The following RARB variants were observed in gnomAD, a reference collection of about 807,000 sequenced individuals.
The protein encoded by RARB is HBV-activated protein.
A neutral mutation model predicts 51.9 loss-of-function variants in RARB; 17 were observed. The observed-to-expected ratio is 0.33, with a 90% CI of 0.22 to 0.49. The LOEUF (loss-of-function observed/expected upper bound fraction) is 0.49, where lower values mean the gene tolerates loss of function less well. RARB is among the 20% of genes least tolerant of loss of function. RARB has a pLI of 0.99. For synonymous variants in RARB, 215 were observed against 195.4 expected, an observed-to-expected ratio of 1.10 and a Z score of -0.84; for missense variants, 369 against 550.8, an observed-to-expected ratio of 0.67 and a Z score of 3.30.
At chr3:25,171,643 T>TAAAAA (rs770248970) in intron 4 of RARB, among the ~76,000 whole-genome samples, 16 of 45,470 alleles carry the variant, frequency 3.5e-4, no homozygotes, top group African/African-American at 8.1e-4. Flanking sequence ...CCCTGGTTGG[T>TAAAAA]AAAAAAAAAA....
At chr3:25,014,467 G>A (rs1697466300) in intron 2 of RARB, among the ~76,000 whole-genome samples, 1 of 152,092 alleles carries the variant, frequency 6.6e-6, no homozygotes, top group Non-Finnish European at 1.5e-5. Context: ...GAGGAGAGAT[G>A]GGTTTTCTCA....
intron 3 of RARB, among the ~76,000 whole-genome samples, chr3:25,512,630 C>G (rs569310998): frequency 5.9e-5 from 9 of 152,354 alleles, no homozygotes; most frequent in East Asian, 1.9e-4. Flanking sequence ...CCTGCAATGC[C>G]TTTCCCTCCC....
At chr3:25,352,364 G>A (rs889481820) in intron 5 of RARB, 1 of 152,132 alleles carries the variant, frequency 6.6e-6, no homozygotes, top group African/African-American at 2.4e-5. Context: ...GATGAGATGG[G>A]GCACATTCAT....
chr3:25,337,314 G>A (rs1027813193), intron 5 of RARB, among the ~76,000 whole-genome samples: 1 of 152,082 alleles, frequency 6.6e-6, no homozygotes, highest in Non-Finnish European at 1.5e-5. Flanking sequence ...GTATAAACAT[G>A]ATTCTCCAAT....
chr3:25,495,905 C>A (rs758297094), intron 2 of RARB, among the ~76,000 whole-genome samples: 1 of 152,136 alleles, frequency 6.6e-6, no homozygotes, highest in Non-Finnish European at 1.5e-5. Flanking sequence ...CAACAGAATT[C>A]GTGATTAGCC....
At chr3:24,900,218 G>T (rs148748513) in intron 2 of RARB, among the ~76,000 whole-genome samples, 126 of 152,294 alleles carry the variant, frequency 8.3e-4, no homozygotes, top group African/African-American at 2.8e-3. Context: ...TGTCTGCAGC[G>T]TGTGTAACTC....
At chr3:24,984,979 G>A (rs530638258) in intron 2 of RARB, among the ~76,000 whole-genome samples, 14 of 152,094 alleles carry the variant, frequency 9.2e-5, no homozygotes, top group Non-Finnish European at 1.9e-4. Flanking sequence ...CAGTTTTTTC[G>A]ACTGGAAAGT....
intron 3 of RARB, among the ~76,000 whole-genome samples, chr3:25,082,927 T>C (rs576816928): frequency 5.3e-5 from 8 of 152,240 alleles, no homozygotes; most frequent in African/African-American, 1.9e-4. Flanking sequence ...AAGAATAATT[T>C]TGTTGGATAT....
At position 25,297,509 on chromosome 3, in the gene RARB, A is replaced by G. The variant is rs114178153; in HGVS notation, c.178+122934A>G. On this transcript the variant is annotated intron_variant, in intron 5 of 11. Transcript: ENST00000383772. ...CCTGCTTCCTCCACAGAGATGTAAC[A>G]TTATATGAATTCATAAGAATCATGG... Among the ~76,000 whole-genome samples the G allele has an allele frequency of 8.5e-3, 1,235 of 145,900 alleles. 17 individuals are homozygous for G. Among genetic ancestry groups the G allele is most frequent in the African/African-American group, 0.028 (1,114 of 39,498 alleles).
intron 2 of RARB, among the ~76,000 whole-genome samples, chr3:24,985,992 T>C (rs960715152): frequency 1.3e-5 from 2 of 152,250 alleles, no homozygotes; most frequent in African/African-American, 4.8e-5. Context: ...ATAAAATATT[T>C]ATGGGATTAA....
At chr3:24,852,412 G>A (rs1405717036) in intron 1 of RARB, among the ~76,000 whole-genome samples, 1 of 151,944 alleles carries the variant, frequency 6.6e-6, no homozygotes, top group African/African-American at 2.4e-5. Flanking sequence ...ACTGCTGGTG[G>A]GATTACAAAA....
Position 25,215,617 on chromosome 3 carries a change from G to A in RARB, c.178+41042G>A, listed in dbSNP as rs9825661. ...CCTGAGGAACTTCATGGGACCACCAGAAACAGCATGTTGGAGGGTATTAAG... is the reference window on the plus strand; with the variant it reads ...CCTGAGGAACTTCATGGGACCACCAAAAACAGCATGTTGGAGGGTATTAAG... On this transcript the variant is annotated intron_variant, in intron 5 of 11. Coordinates refer to the RARB transcript ENST00000383772. Among the ~76,000 whole-genome samples, 235 of 152,282 alleles carry A rather than the reference G, an allele frequency of 1.5e-3. 2 individuals are homozygous for A. Among genetic ancestry groups the A allele is most frequent in the African/African-American group, 5.3e-3 (221 of 41,560 alleles).
chr3:25,048,389 ATATCT>A (rs973834918), intron 2 of RARB, among the ~76,000 whole-genome samples: 1 of 152,188 alleles, frequency 6.6e-6, no homozygotes, highest in Admixed American at 6.5e-5. Flanking sequence ...CCAATATATG[ATATCT>A]TAATTAAGTA....
At position 24,906,557 on chromosome 3, in the gene RARB, C is replaced by T. The variant is rs115237808; in HGVS notation, c.-380+47805C>T. Among the ~76,000 whole-genome samples the T allele has an allele frequency of 7.8e-3, 1,190 of 152,144 alleles. 7 individuals are homozygous for T. The highest frequency in any genetic ancestry group is 0.013 in the Non-Finnish European group (898 of 67,990). On this transcript the variant is annotated intron_variant, in intron 2 of 11. Transcript: ENST00000383772. ...TTCAAGATTCCTATCTTTAAAGCTA[C>T]GCTGGCTGGGAGTGGTGACTCATGC... is the stretch of plus-strand genomic sequence containing the variant.
At chr3:25,453,424 T>G (rs1430615201) in intron 1 of RARB, among the ~76,000 whole-genome samples, 1 of 151,958 alleles carries the variant, frequency 6.6e-6, no homozygotes, top group Non-Finnish European at 1.5e-5. Flanking sequence ...ATTTTGTATT[T>G]TTAGTAGAGA....
At chr3:25,237,279 C>T (rs898179204) in intron 5 of RARB, among the ~76,000 whole-genome samples, 2 of 152,062 alleles carry the variant, frequency 1.3e-5, no homozygotes, top group Non-Finnish European at 1.5e-5. Context: ...TATTAGACAA[C>T]CCCAAAGGGT....
chr3:24,849,914 A>G (rs879341654), intron 1 of RARB, among the ~76,000 whole-genome samples: 1 of 152,244 alleles, frequency 6.6e-6, no homozygotes, highest in Non-Finnish European at 1.5e-5. Context: ...AGAAAGTTTC[A>G]TTGAAGCAGA....
chr3:24,974,714 AC>A (rs1206698436), intron 2 of RARB, among the ~76,000 whole-genome samples: 1 of 152,216 alleles, frequency 6.6e-6, no homozygotes, highest in Non-Finnish European at 1.5e-5. Context: ...AGAAAGAAAT[AC>A]ATAAGAAATT....
chr3:25,543,511 G>C (rs544405583), intron 3 of RARB, among the ~76,000 whole-genome samples: 1 of 152,282 alleles, frequency 6.6e-6, no homozygotes, highest in East Asian at 1.9e-4. Context: ...GAGGGGCAAT[G>C]TGGCAAATCC....
Sources: gnomAD v4.1 joint callset for allele counts (sites outside exome capture counted in the v4.1 genomes callset) on GRCh38, gnomAD v4.1.1 for gene constraint, MANE v1.5 for transcripts, NCBI Gene and HGNC (gene_info 2026-07-23, HGNC 2026-07-21) for gene names.